Variants in TULP4 observed in about 807,000 individuals in gnomAD.
TULP4 encodes the protein TUB like protein 4.
In TULP4, 16 loss-of-function variants were observed where a neutral mutation model predicts 129.0. The ratio of observed to expected loss-of-function variants is 0.12; its 90% CI spans 0.08 to 0.19. TULP4 has a LOEUF of 0.19. Among genes scored for constraint, TULP4 ranks in the 10% least tolerant of loss-of-function variants. The pLI, the probability that TULP4 is intolerant of heterozygous loss-of-function variation, is 1.00. For synonymous variants in TULP4, 998 were observed against 854.0 expected (o/e 1.17, Z -2.94); for missense variants, 1,842 against 2,059.1 (o/e 0.89, Z 2.04).
intron 7 of TULP4, 139 bp downstream of exon 7, chr6:158,480,114 C>G: frequency 1.5e-6 from 1 of 655,720 alleles, no homozygotes; most frequent in Non-Finnish European, 2.6e-6. Context: ...CATGTGCTGC[C>G]AGGTCTGCAG....
At chr6:158,504,499 A>ACCATGCCC (rs1400778820) in intron 13 of TULP4, among the ~76,000 whole-genome samples, 1 of 148,906 alleles carries the variant, frequency 6.7e-6, no homozygotes, top group African/African-American at 2.5e-5. Flanking sequence ...CGTGCCCGCC[A>ACCATGCCC]CCATGCCCGG....
chr6:158,387,799 ACT>A (rs1777485124), intron 1 of TULP4, among the ~76,000 whole-genome samples: 1 of 152,152 alleles, frequency 6.6e-6, no homozygotes, highest in African/African-American at 2.4e-5. Flanking sequence ...GATGAGCAAG[ACT>A]CTAAAGCCAC....
intron 1 of TULP4, among the ~76,000 whole-genome samples, chr6:158,274,126 C>T (rs750012304): frequency 1.3e-5 from 2 of 152,004 alleles, no homozygotes; most frequent in Non-Finnish European, 2.9e-5. Flanking sequence ...GGCATGGTGG[C>T]GGGCACCTGC....
intron 3 of TULP4, among the ~76,000 whole-genome samples, chr6:158,432,747 G>A (rs929047591): frequency 2.0e-5 from 3 of 152,298 alleles, no homozygotes; most frequent in Non-Finnish European, 2.9e-5. Context: ...TGTATTGTGC[G>A]CTGTTTTGCC....
Position 158,313,468 on chromosome 6 carries a change from T to A in TULP4, c.-549T>A, listed in dbSNP as rs965759185. On this transcript the variant is annotated 5_prime_UTR_variant, in exon 1 of 14. The change abolishes the stop of an existing upstream ORF in the 5' untranslated region. Coordinates refer to ENST00000367097, the MANE Select transcript of TULP4 (RefSeq NM_020245.5). ...AATTTGTCTAGTTCAGGAAACATGCTAGAGGGTGGCTTCAGAAGGAAGATG... is the reference window on the plus strand; with the variant it reads ...AATTTGTCTAGTTCAGGAAACATGCAAGAGGGTGGCTTCAGAAGGAAGATG... The A allele has an allele frequency of 2.5e-6, 1 of 400,174 alleles. No individual in the cohort carries two copies. Among genetic ancestry groups the A allele is most frequent in the Non-Finnish European group, 4.4e-6 (1 of 227,274 alleles). 24.8% of individuals were successfully genotyped at this position (400,174 alleles called of 1,614,324 possible).
intron 1 of TULP4, among the ~76,000 whole-genome samples, chr6:158,269,705 A>G (rs1451641901): frequency 6.6e-6 from 1 of 152,246 alleles, no homozygotes; most frequent in African/African-American, 2.4e-5. Context: ...TATAAATGAA[A>G]TTGCAAAAGC....
At chr6:158,471,496 T>C (rs1308502692) in intron 6 of TULP4, among the ~76,000 whole-genome samples, 1 of 152,168 alleles carries the variant, frequency 6.6e-6, no homozygotes, top group Non-Finnish European at 1.5e-5. Flanking sequence ...GGCTAGGAAG[T>C]GTAAAGTCAT....
intron 1 of TULP4, among the ~76,000 whole-genome samples, chr6:158,321,179 A>G (rs1219381871): frequency 6.6e-6 from 1 of 152,098 alleles, no homozygotes; most frequent in Non-Finnish European, 1.5e-5. Context: ...TTTTGTTTTT[A>G]AACTGCACTT....
At chr6:158,271,918 G>T (rs954564708) in intron 1 of TULP4, among the ~76,000 whole-genome samples, 2 of 152,242 alleles carry the variant, frequency 1.3e-5, no homozygotes, top group African/African-American at 4.8e-5. Context: ...AAAGGATGGG[G>T]TAAGTCATTG....
intron 2 of TULP4, chr6:158,428,116 C>CT (rs1265659676): frequency 6.6e-6 from 1 of 152,182 alleles, no homozygotes; most frequent in Non-Finnish European, 1.5e-5. Flanking sequence ...GAGCAAGACT[C>CT]TGTCTCAAAA....
Position 158,502,423 on chromosome 6 carries a change from T to C in TULP4, c.2760T>C (p.Gly920=). The change falls in exon 13 of 14, where the codon GGT becomes GGC. Residue 920 remains glycine (G), a synonymous_variant. Transcript: ENST00000367097. ...SQNTYTLPGP[G]SSATLRLTAT... is the part of the protein sequence containing the mutation. Reference sequence around the variant, plus strand: ...ACACGTACACCCTCCCCGGCCCGGGTAGCTCTGCCACCTTGAGGCTCACGG... The same window carrying C: ...ACACGTACACCCTCCCCGGCCCGGGCAGCTCTGCCACCTTGAGGCTCACGG... The C allele has an allele frequency of 6.2e-7, 1 of 1,612,846 alleles. No individual in the cohort carries two copies. Among genetic ancestry groups the C allele is most frequent in the Non-Finnish European group, 8.5e-7 (1 of 1,179,710 alleles).
At chr6:158,295,113 G>A (rs567996349) in intron 1 of TULP4, among the ~76,000 whole-genome samples, 1 of 152,192 alleles carries the variant, frequency 6.6e-6, no homozygotes, top group African/African-American at 2.4e-5. Context: ...GTATATTTTT[G>A]TCTTGTTTTG....
chr6:158,493,442 G>A lies in TULP4; in HGVS notation c.1632-131G>A, dbSNP rs915250166. On this transcript the variant is annotated intron_variant, in intron 9 of 13. Transcript: ENST00000367097. The surrounding 1 kb of genome is among the most constrained non-coding windows in gnomAD (Gnocchi z 4.4). ...GCAAGGGGAGAGCTTTGTTAAATTC[G>A]GGCACTGGCTGCAGGGTGAGAACCC... 5.2e-5 allele frequency: 47 copies of A among 898,828 alleles called. No individual in the cohort carries two copies. The highest frequency in any genetic ancestry group is 1.2e-4 in the East Asian group (4 of 33,684). 55.7% of individuals were successfully genotyped at this position (898,828 alleles called of 1,614,324 possible). A position where few individuals can be genotyped will look rare whatever the true frequency, so the allele number is the denominator to read the frequency against.
chr6:158,438,406 A>G (rs1312375983), intron 3 of TULP4, among the ~76,000 whole-genome samples: 1 of 152,204 alleles, frequency 6.6e-6, no homozygotes, highest in Non-Finnish European at 1.5e-5. Context: ...GTTTGGGGCT[A>G]GCTCTGCTCA....
intron 13 of TULP4, 138 bp downstream of exon 13, chr6:158,504,316 T>G (rs1018763767): frequency 5.4e-5 from 39 of 724,514 alleles, no homozygotes; most frequent in African/African-American, 1.8e-5. Flanking sequence ...GCTCATGGGG[T>G]TATGGTTTTT....
intron 1 of TULP4, among the ~76,000 whole-genome samples, chr6:158,365,680 C>T (rs1195419472): frequency 9.9e-5 from 15 of 151,118 alleles, no homozygotes; most frequent in South Asian, 2.1e-4. Context: ...ACCATGTTAG[C>T]CAATAGGGTC....
chr6:158,233,290 G>A (rs769217921), intron 1 of TULP4, among the ~76,000 whole-genome samples: 4 of 152,212 alleles, frequency 2.6e-5, no homozygotes, highest in African/African-American at 7.2e-5. Flanking sequence ...TCTCTTTGGG[G>A]TCTCCCCCAC....
At chr6:158,362,771 A>G (rs1780825395) in intron 1 of TULP4, among the ~76,000 whole-genome samples, 1 of 151,352 alleles carries the variant, frequency 6.6e-6, no homozygotes, top group South Asian at 2.1e-4. Context: ...CTGACTTGAA[A>G]CTCCATGCAA....
At chr6:158,498,541 C>T in intron 11 of TULP4, 128 bp from the exon 12 acceptor site, 1 of 1,172,960 alleles carries the variant, frequency 8.5e-7, no homozygotes, top group Middle Eastern at 2.4e-4. Flanking sequence ...CCTCTGGGCC[C>T]TGCCTACACA....
Sources: allele counts gnomAD v4.1 joint callset (sites outside exome capture counted in the v4.1 genomes callset), GRCh38; gene constraint gnomAD v4.1.1; non-coding constraint Gnocchi (gnomAD v3.1); transcripts MANE v1.5; gene names NCBI Gene and HGNC (gene_info 2026-07-23, HGNC 2026-07-21).